Variants in AP1B1 observed in about 807,000 individuals in gnomAD.
AP1B1 encodes the protein AP-1 complex subunit beta-1.
Under a neutral mutation model 104.3 loss-of-function variants are expected in AP1B1, and 36 were observed. The ratio of observed to expected loss-of-function variants is 0.35; its 90% confidence interval spans 0.26 to 0.46. The LOEUF (loss-of-function observed/expected upper bound fraction) is 0.46. AP1B1 is among the 20% of genes least tolerant of loss of function. The pLI is 1.00. For missense variants in AP1B1, 901 were observed against 1,247.9 expected, an observed-to-expected ratio of 0.72 and a Z score of 4.19; for synonymous variants, 504 against 517.5, an observed-to-expected ratio of 0.97 and a Z score of 0.35.
At chr22:29,371,394 C>A (rs939691021) in intron 1 of AP1B1, among the ~76,000 whole-genome samples, 7 of 152,168 alleles carry the variant, frequency 4.6e-5, no homozygotes, top group African/African-American at 1.4e-4. Context: ...GGGGCTGAGA[C>A]CTTGTTCTCT....
At chr22:29,382,945 A>C (rs571228463) in intron 1 of AP1B1, among the ~76,000 whole-genome samples, 1 of 152,128 alleles carries the variant, frequency 6.6e-6, no homozygotes, top group Non-Finnish European at 1.5e-5. Context: ...CCTATATTTT[A>C]ATAAGTTCTG....
At position 29,342,410 on chromosome 22, in the gene AP1B1, G is replaced by T. The variant is rs187470422; in HGVS notation, c.1438-27C>A. On this transcript the variant is annotated intron_variant, in intron 11 of 22. Transcript: ENST00000357586. ...TGCAGGGAACAGCGGTGACGAGGAG[G>T]AAGTGTGGGCCTCACATGGGGATAG... The T allele has an allele frequency of 4.3e-4, 677 of 1,587,916 alleles. No individual in the cohort carries two copies. In the African/African-American group the frequency reaches 8.4e-3, roughly 20 times the overall value.
intron 19 of AP1B1, among the ~76,000 whole-genome samples, 155 bp downstream of exon 19, chr22:29,331,294 A>G (rs1327596678): frequency 6.6e-6 from 1 of 151,690 alleles, no homozygotes; most frequent in African/African-American, 2.4e-5. Context: ...TCCTGGGTAT[A>G]CCCCTCACTC....
chr22:29,331,840 G>C lies in AP1B1; in HGVS notation c.2386C>G (p.Pro796Ala). 1 of 1,612,432 alleles carries C rather than the reference G, an allele frequency of 6.2e-7. No individual in the cohort carries two copies. Among genetic ancestry groups the C allele is most frequent in the Non-Finnish European group, 8.5e-7 (1 of 1,179,012 alleles). Reference sequence around the variant, plus strand: ...ATGACCGAGCCCACCGTGCTGAGAGGCAGGGAGATCTCCACTGTCTGGTTG... The same window carrying C: ...ATGACCGAGCCCACCGTGCTGAGAGCCAGGGAGATCTCCACTGTCTGGTTG... Reference protein sequence around the residue: ...SPNQTVEISLPLSTVGSVMKM... With the variant: ...SPNQTVEISLALSTVGSVMKM... Residue 796 changes from proline to alanine, a missense_variant, in exon 18 of 23, where the codon CCT becomes GCT. This residue lies in a region of AP1B1 where 424 missense variants were observed against 494.0 expected (regional missense o/e 0.86). Coordinates refer to ENST00000357586, the MANE Select transcript of AP1B1 (RefSeq NM_001127.4).
Position 29,351,925 on chromosome 22 carries a change from G to GGCACAGACT in AP1B1, c.939-101_939-100insAGTCTGTGC, listed in dbSNP as rs140304334. 11,220 of 1,466,338 alleles carry GGCACAGACT rather than the reference G, an allele frequency of 7.7e-3. 390 individuals are homozygous for GGCACAGACT. In the South Asian group the frequency reaches 0.082, roughly 11 times the overall value. 90.8% of individuals were successfully genotyped at this position (1,466,338 alleles called of 1,614,324 possible). A position where few individuals can be genotyped will look rare whatever the true frequency, so the allele number is the denominator to read the frequency against. Reference sequence around the variant, plus strand: ...CTGGGACATTTCTGGGGTCTGAGGTGGAGCCTGATGTCTGTGAAGGCAGAG... The same window carrying GGCACAGACT: ...CTGGGACATTTCTGGGGTCTGAGGTGGCACAGACTGAGCCTGATGTCTGTGAAGGCAGAG... On this transcript the variant is annotated intron_variant, in intron 7 of 22. Transcript: ENST00000357586.
At chr22:29,332,757 G>A (rs192446758) in intron 17 of AP1B1, among the ~76,000 whole-genome samples, 1 of 152,344 alleles carries the variant, frequency 6.6e-6, no homozygotes, top group Non-Finnish European at 1.5e-5. Flanking sequence ...CTCTGCCCAA[G>A]AAGCCATCAG....
rs780046671 is a variant in AP1B1, at chr22:29,351,792, G to C, written c.972C>G (p.Phe324Leu). Reference sequence around the variant, plus strand: ...AGATAGGGTCGTTGTACTTCACGAAGAACACCTTCATCTCATGCTTCAGGA... The same window carrying C: ...AGATAGGGTCGTTGTACTTCACGAACAACACCTTCATCTCATGCTTCAGGA... ...PEILKHEMKV[F>L]FVKYNDPIYV... is the part of the protein sequence containing the mutation. Residue 324 changes from phenylalanine (F) to leucine (L), a missense_variant, in exon 8 of 23, where the codon TTC (phenylalanine) becomes TTG (leucine). Physicochemically the swap from Phe to Leu is conservative, Grantham distance 22. Coordinates refer to ENST00000357586, the MANE Select transcript of AP1B1 (RefSeq NM_001127.4). 1 of 1,614,198 alleles carries C rather than the reference G, an allele frequency of 6.2e-7. No homozygotes were observed. The highest frequency in any genetic ancestry group is 2.2e-5 in the East Asian group (1 of 44,892).
Position 29,354,733 on chromosome 22 carries a change from G to C in AP1B1, c.855C>G (p.Ala285=). Residue 285 remains alanine, a synonymous_variant, in exon 7 of 23, where the codon GCC becomes GCG. Transcript: ENST00000357586. The part of the protein sequence containing the change: ...DYYGTLLKKL[A]PPLVTLLSAE... ...CTGACAGCAGTGTGACCAGGGGTGG[G>C]GCCAGCTTCTTGAGCAGTGTGCCGT... 6.2e-7 allele frequency: 1 copy of C among 1,614,002 alleles called. No homozygotes were observed. Among genetic ancestry groups the C allele is most frequent in the Non-Finnish European group, 8.5e-7 (1 of 1,180,010 alleles).
chr22:29,388,532 G>C lies in AP1B1; in HGVS notation c.-136C>G, dbSNP rs2062572727. ...GGTGCGTCCGGGCTGCCGGCGGCTC[G>C]GAGCCCCGCGGCTGTCACCTGCCGG... On this transcript the variant is annotated 5_prime_UTR_variant, in exon 1 of 23. Coordinates refer to ENST00000357586, the MANE Select transcript of AP1B1 (RefSeq NM_001127.4). The C allele has an allele frequency of 1.3e-5, 2 of 152,132 alleles. No homozygotes were observed. The highest frequency in any genetic ancestry group is 4.1e-4 in the South Asian group (2 of 4,832). 9.4% of individuals were successfully genotyped at this position (152,132 alleles called of 1,614,324 possible). A position where few individuals can be genotyped will look rare whatever the true frequency, so the allele number is the denominator to read the frequency against.
chr22:29,363,607 C>A (rs2062085479), intron 2 of AP1B1, among the ~76,000 whole-genome samples: 2 of 151,146 alleles, frequency 1.3e-5, no homozygotes, highest in South Asian at 4.2e-4. Flanking sequence ...AAGATGGCGC[C>A]ACTGCACTCC....
At chr22:29,334,736 G>A (rs2061613074) in intron 16 of AP1B1, among the ~76,000 whole-genome samples, 1 of 150,284 alleles carries the variant, frequency 6.7e-6, no homozygotes, top group Admixed American at 6.6e-5. Flanking sequence ...CCATGAGCTG[G>A]CAATGGAGGG....
At chr22:29,355,450 G>T (rs1315465098) in intron 6 of AP1B1, among the ~76,000 whole-genome samples, 2 of 152,130 alleles carry the variant, frequency 1.3e-5, no homozygotes, top group Non-Finnish European at 2.9e-5. Flanking sequence ...AACAGAGCGA[G>T]ACCCTGTCAT....
intron 22 of AP1B1, chr22:29,329,163 C>T: frequency 7.8e-7 from 1 of 1,287,962 alleles, no homozygotes; most frequent in Middle Eastern, 3.1e-4. Context: ...GAGTCACGAG[C>T]CGGAGGCTGC....
rs1382111849 is a variant in AP1B1, at chr22:29,339,026, C to A, written c.2127G>T (p.Val709=). ...CCACATATGATCCTGACAGGGTGCCCACGCCACTGGTCAGGTCAAAGAGGT... is the reference window on the plus strand; with the variant it reads ...CCACATATGATCCTGACAGGGTGCCAACGCCACTGGTCAGGTCAAAGAGGT... ...LSDLFDLTSG[V]GTLSGSYVAP... is the part of the protein sequence containing the mutation. Residue 709 remains valine, a synonymous_variant, in exon 16 of 23, where the codon GTG becomes GTT. Coordinates refer to ENST00000357586, the MANE Select transcript of AP1B1 (RefSeq NM_001127.4). The A allele has an allele frequency of 1.9e-6, 3 of 1,614,174 alleles. No homozygotes were observed. The highest frequency in any genetic ancestry group is 2.5e-6 in the Non-Finnish European group (3 of 1,180,032).
rs527709182 is a variant in AP1B1 at position 29,377,502 on chromosome 22, G to A, written c.-27-10232C>T. Reference sequence around the variant, plus strand: ...ATGTGCACCATGTGACAGACACTATGTAAAGAGCTTTAAAGTTAGTCCTCG... The same window carrying A: ...ATGTGCACCATGTGACAGACACTATATAAAGAGCTTTAAAGTTAGTCCTCG... On this transcript the variant is annotated intron_variant, in intron 1 of 22. Transcript: ENST00000357586. Among the ~76,000 whole-genome samples the A allele has an allele frequency of 5.3e-5, 8 of 152,140 alleles. No individual in the cohort carries two copies. The South Asian group carries it at 1.2e-3, about 24-fold the overall frequency.
At chr22:29,338,706 G>A (rs2061671546) in intron 16 of AP1B1, among the ~76,000 whole-genome samples, 2 of 152,084 alleles carry the variant, frequency 1.3e-5, no homozygotes, top group South Asian at 4.2e-4. Context: ...CACAAAGGCC[G>A]TGGTCTCCCT....
intron 7 of AP1B1, 113 bp from the exon 8 acceptor site, chr22:29,351,938 T>C (rs1203927958): frequency 7.2e-7 from 1 of 1,381,712 alleles, no homozygotes; most frequent in Non-Finnish European, 9.8e-7. Flanking sequence ...GCCTGATGTC[T>C]GTGAAGGCAG....
chr22:29,336,379 ACTC>A (rs1262315254), intron 16 of AP1B1, among the ~76,000 whole-genome samples: 1 of 150,794 alleles, frequency 6.6e-6, no homozygotes, highest in Non-Finnish European at 1.5e-5. Flanking sequence ...TGGCAGAAAA[ACTC>A]CTCCTCCAGG....
At chr22:29,362,510 C>T (rs1355211494) in intron 3 of AP1B1, among the ~76,000 whole-genome samples, 3 of 152,068 alleles carry the variant, frequency 2.0e-5, no homozygotes, top group Non-Finnish European at 4.4e-5. Flanking sequence ...CCATGCCCGG[C>T]TACTTTTTGT....
Sources: gnomAD v4.1 joint callset for allele counts (sites outside exome capture counted in the v4.1 genomes callset) on GRCh38, gnomAD v4.1.1 for gene constraint, gnomAD v4.1.1 regional missense constraint, MANE v1.5 for transcripts, NCBI Gene and HGNC (gene_info 2026-07-23, HGNC 2026-07-21) for gene names.